SOX5: variants seen among roughly 807,000 people sequenced by gnomAD.
SOX5 encodes transcription factor SOX-5.
SOX5 carries 9 observed loss-of-function variants against 92.0 expected under a neutral mutation model. The ratio of observed to expected loss-of-function variants is 0.10; its 90% CI spans 0.06 to 0.17. SOX5 has a LOEUF of 0.17. SOX5 is among the 10% of genes least tolerant of loss of function. The pLI is 1.00. For missense variants in SOX5, 642 were observed against 944.5 expected (o/e 0.68, Z 4.20); for synonymous variants, 344 against 336.3 (o/e 1.02, Z -0.25).
At chr12:24,336,594 C>G (rs1172046952) in intron 2 of SOX5, among the ~76,000 whole-genome samples, 1 of 152,108 alleles carries the variant, frequency 6.6e-6, no homozygotes, top group Non-Finnish European at 1.5e-5. Flanking sequence ...ATACAGTATT[C>G]AAACATTTAA....
intron 2 of SOX5, among the ~76,000 whole-genome samples, chr12:23,865,999 T>C (rs569670603): frequency 2.0e-5 from 3 of 152,284 alleles, no homozygotes; most frequent in Admixed American, 6.5e-5. Context: ...TACAATCTCA[T>C]GATAAAACTT....
At chr12:23,970,842 T>TATATATATATATATATATATATATATATA (rs1234524602) in intron 4 of SOX5, among the ~76,000 whole-genome samples, 1 of 5,956 alleles carries the variant, frequency 1.7e-4, no homozygotes, top group African/African-American at 2.1e-4. Context: ...ATATATATAA[T>TATATATATATATATATATATATATATATA]TTTTTTTTTT....
chr12:24,205,838 A>G (rs3922595), intron 4 of SOX5, among the ~76,000 whole-genome samples: 4,851 of 152,298 alleles, frequency 0.032, 89 homozygotes, highest in Middle Eastern at 0.058. Flanking sequence ...GTTTACGTAC[A>G]AGCATCCTAT....
intron 7 of SOX5, among the ~76,000 whole-genome samples, chr12:23,643,749 G>T (rs1566648517): frequency 6.6e-6 from 1 of 152,120 alleles, no homozygotes; most frequent in Non-Finnish European, 1.5e-5. Context: ...GAGGTCACTG[G>T]CAACTGCAAC....
chr12:23,760,781 T>C (rs1215265200), intron 3 of SOX5, among the ~76,000 whole-genome samples: 1 of 152,052 alleles, frequency 6.6e-6, no homozygotes, highest in Non-Finnish European at 1.5e-5. Flanking sequence ...ATATTGTAAT[T>C]CTCCAACAAG....
intron 3 of SOX5, among the ~76,000 whole-genome samples, chr12:23,815,819 CTA>C (rs1177209590): frequency 1.3e-5 from 2 of 152,104 alleles, no homozygotes; most frequent in Non-Finnish European, 2.9e-5. Flanking sequence ...AATGGAATGA[CTA>C]TGACTTTATT....
chr12:24,277,824 T>C (rs1256586505), intron 2 of SOX5, among the ~76,000 whole-genome samples: 1 of 152,106 alleles, frequency 6.6e-6, no homozygotes. Flanking sequence ...TTTGAGCCCA[T>C]TTAAACATAT....
At chr12:24,171,736 G>A (rs937254215) in intron 4 of SOX5, among the ~76,000 whole-genome samples, 2 of 152,090 alleles carry the variant, frequency 1.3e-5, no homozygotes, top group African/African-American at 4.8e-5. Flanking sequence ...AGTGGCTCAT[G>A]CCTGTAATCT....
At chr12:23,754,850 G>A (rs947287792) in intron 4 of SOX5, among the ~76,000 whole-genome samples, 1 of 151,632 alleles carries the variant, frequency 6.6e-6, no homozygotes, top group Non-Finnish European at 1.5e-5. Context: ...TGTATATTCA[G>A]CCTCTACCAA....
At chr12:24,094,095 C>T (rs775730189) in intron 4 of SOX5, among the ~76,000 whole-genome samples, 5 of 152,076 alleles carry the variant, frequency 3.3e-5, no homozygotes, top group African/African-American at 9.6e-5. Flanking sequence ...TACAGGCGCC[C>T]GCCACCATGC....
At chr12:23,762,605 T>TAA in intron 3 of SOX5, 1 of 446,264 alleles carries the variant, frequency 2.2e-6, no homozygotes, top group Non-Finnish European at 3.8e-6. Context: ...AGCCTGTTAA[T>TAA]ACAAAAAGAA....
chr12:23,786,117 T>A (rs1475492774), intron 3 of SOX5, among the ~76,000 whole-genome samples: 1 of 152,008 alleles, frequency 6.6e-6, no homozygotes, highest in African/African-American at 2.4e-5. Flanking sequence ...TCTTTTTCCA[T>A]TGCTCATCCA....
At chr12:23,595,190 T>C (rs547666292) in intron 9 of SOX5, among the ~76,000 whole-genome samples, 28 of 152,216 alleles carry the variant, frequency 1.8e-4, no homozygotes, top group African/African-American at 5.5e-4. Context: ...GATGTAAACA[T>C]AGGGTGCTAT....
At chr12:24,080,824 G>T (rs1009410383) in intron 4 of SOX5, among the ~76,000 whole-genome samples, 1 of 151,844 alleles carries the variant, frequency 6.6e-6, no homozygotes, top group African/African-American at 2.4e-5. Flanking sequence ...TCTTTTAGGG[G>T]GAAGAAATGG....
chr12:24,338,062 C>T (rs73287643), intron 2 of SOX5, among the ~76,000 whole-genome samples: 2,102 of 152,172 alleles, frequency 0.014, 53 homozygotes, highest in African/African-American at 0.048. Context: ...TCTTCCCTTT[C>T]TCTGGTTTTT....
chr12:23,661,756 C>G (rs1551983), intron 7 of SOX5, among the ~76,000 whole-genome samples: 37,871 of 152,046 alleles, frequency 0.25, 4,844 homozygotes, highest in African/African-American at 0.28. Context: ...TGTTCTTGGA[C>G]TCTTCAACCA....
chr12:24,365,187 A>G (rs1293752613), intron 2 of SOX5, among the ~76,000 whole-genome samples: 1 of 152,118 alleles, frequency 6.6e-6, no homozygotes. Context: ...TTTATTTAAC[A>G]TATTTATTCT....
chr12:24,048,340 A>T (rs545028917), intron 4 of SOX5, among the ~76,000 whole-genome samples: 1 of 152,286 alleles, frequency 6.6e-6, no homozygotes, highest in African/African-American at 2.4e-5. Flanking sequence ...TAGGAATTAA[A>T]ATGATGAATT....
At chr12:24,241,475 C>T (rs1436682440) in intron 3 of SOX5, among the ~76,000 whole-genome samples, 1 of 152,052 alleles carries the variant, frequency 6.6e-6, no homozygotes, top group East Asian at 1.9e-4. Flanking sequence ...AAGAGGGTTC[C>T]TTAAATCAGA....
Sources: gnomAD v4.1 joint callset for allele counts (sites outside exome capture counted in the v4.1 genomes callset) on GRCh38, gnomAD v4.1.1 for gene constraint, MANE v1.5 for transcripts, NCBI Gene and HGNC (gene_info 2026-07-23, HGNC 2026-07-21) for gene names.